The following STK32B variants were observed in gnomAD, a reference collection of about 807,000 sequenced individuals.
STK32B encodes serine/threonine-protein kinase 32B.
A neutral mutation model predicts 52.6 loss-of-function variants in STK32B; 43 were observed. The observed-to-expected ratio is 0.82, with a 90% CI of 0.64 to 1.05. The LOEUF is 1.05. Among genes scored for constraint, STK32B ranks in the 50% least tolerant of loss-of-function variants. The pLI, the probability that STK32B is intolerant of heterozygous loss-of-function variation, is 0.00. For missense variants in STK32B, 621 were observed against 534.6 expected, an observed-to-expected ratio of 1.16 and a Z score of -1.59; for synonymous variants, 238 against 204.3, an observed-to-expected ratio of 1.17 and a Z score of -1.41.
chr4:5,236,347 A>C (rs1188267230), intron 3 of STK32B, among the ~76,000 whole-genome samples: 1 of 151,964 alleles, frequency 6.6e-6, no homozygotes, highest in East Asian at 1.9e-4. Context: ...TTTTTTTTAA[A>C]CTTACTTAAA....
At chr4:5,273,990 A>G (rs915636338) in intron 3 of STK32B, among the ~76,000 whole-genome samples, 1 of 150,362 alleles carries the variant, frequency 6.7e-6, no homozygotes, top group Non-Finnish European at 1.5e-5. Flanking sequence ...TTAAAGTATA[A>G]TAAAAAAAAA....
chr4:5,491,239 T>A (rs1431815957), intron 11 of STK32B, among the ~76,000 whole-genome samples: 1 of 152,174 alleles, frequency 6.6e-6, no homozygotes, highest in African/African-American at 2.4e-5. Flanking sequence ...GCACCTGTTG[T>A]TTCCTGACTT....
intron 4 of STK32B, among the ~76,000 whole-genome samples, chr4:5,357,046 T>TAC (rs1386974266): frequency 7.2e-6 from 1 of 137,954 alleles, no homozygotes; most frequent in African/African-American, 2.9e-5. Flanking sequence ...CACACATATA[T>TAC]ACACACACAC....
intron 3 of STK32B, among the ~76,000 whole-genome samples, chr4:5,274,869 G>A (rs1026246156): frequency 4.6e-5 from 7 of 152,274 alleles, no homozygotes; most frequent in Admixed American, 3.9e-4. Context: ...CAGGGTGTCC[G>A]CTATGCTCCT....
At chr4:5,431,948 A>G (rs759406140) in intron 6 of STK32B, among the ~76,000 whole-genome samples, 18 of 152,186 alleles carry the variant, frequency 1.2e-4, no homozygotes, top group Non-Finnish European at 2.4e-4. Flanking sequence ...CTTTAATGCA[A>G]TGAATTATGA....
At chr4:5,196,501 T>C (rs559843002) in intron 3 of STK32B, among the ~76,000 whole-genome samples, 8 of 151,830 alleles carry the variant, frequency 5.3e-5, no homozygotes, top group African/African-American at 1.9e-4. Flanking sequence ...GGTGCGTAGA[T>C]CACGAGGTCA....
At chr4:5,498,831 G>C (rs1720495653) in intron 11 of STK32B, 114 bp from the exon 12 acceptor site, 1 of 1,386,398 alleles carries the variant, frequency 7.2e-7, no homozygotes, top group Non-Finnish European at 9.5e-7. Context: ...TTCCCAGGTA[G>C]GGGAAGGTTT....
chr4:5,349,671 G>T (rs1410899914), intron 4 of STK32B, among the ~76,000 whole-genome samples: 1 of 151,990 alleles, frequency 6.6e-6, no homozygotes, highest in Admixed American at 6.6e-5. Context: ...CCTAAAAAAA[G>T]AATTCAAAAT....
At chr4:5,265,777 G>A (rs1359673142) in intron 3 of STK32B, among the ~76,000 whole-genome samples, 1 of 151,950 alleles carries the variant, frequency 6.6e-6, no homozygotes, top group African/African-American at 2.4e-5. Context: ...TCTAGTTGTT[G>A]TAAACTTTAC....
intron 3 of STK32B, among the ~76,000 whole-genome samples, chr4:5,318,393 T>G (rs986932529): frequency 6.6e-6 from 1 of 151,736 alleles, no homozygotes; most frequent in Admixed American, 6.6e-5. Context: ...AAAAGAACTG[T>G]AGGCAAGGAG....
Position 5,254,712 on chromosome 4 carries a change from A to G in STK32B, c.261-76508A>G, listed in dbSNP as rs549804590. On this transcript the variant is annotated intron_variant, in intron 3 of 11. Coordinates refer to ENST00000282908, the MANE Select transcript of STK32B (RefSeq NM_018401.3). The stretch of plus-strand genomic sequence containing the variant: ...TGAGTTCCAGCTTAATTTAACTGTA[A>G]CTAGAACATAAACTGTACAGTTATA... Among the ~76,000 whole-genome samples, 6 of 152,258 alleles carry G rather than the reference A, an allele frequency of 3.9e-5. No individual in the cohort carries two copies. The South Asian group carries it at 1.0e-3, about 26-fold the overall frequency.
At chr4:5,373,915 A>G (rs572859475) in intron 4 of STK32B, among the ~76,000 whole-genome samples, 3 of 152,348 alleles carry the variant, frequency 2.0e-5, no homozygotes, top group Admixed American at 2.0e-4. Context: ...GTGTTCCCCC[A>G]AAAGTAATGT....
chr4:5,254,374 TG>T (rs201040269), intron 3 of STK32B, among the ~76,000 whole-genome samples: 1,861 of 152,196 alleles, frequency 0.012, 39 homozygotes, highest in African/African-American at 0.043. Flanking sequence ...ATTGTTTATT[TG>T]TTTTTATTTC....
chr4:5,358,022 C>A (rs1246321863), intron 4 of STK32B, among the ~76,000 whole-genome samples: 1 of 152,156 alleles, frequency 6.6e-6, no homozygotes, highest in Non-Finnish European at 1.5e-5. Flanking sequence ...ATTTAAGGCA[C>A]AACTTAGTCA....
At chr4:5,466,478 A>G (rs1178679181) in intron 9 of STK32B, among the ~76,000 whole-genome samples, 1 of 152,226 alleles carries the variant, frequency 6.6e-6, no homozygotes, top group Admixed American at 6.5e-5. Context: ...GGATGTTAAC[A>G]GGAGTGCGGT....
chr4:5,175,768 C>T (rs1432576224), intron 3 of STK32B, among the ~76,000 whole-genome samples: 2 of 152,170 alleles, frequency 1.3e-5, no homozygotes, highest in Non-Finnish European at 2.9e-5. Flanking sequence ...CTTGAGGAGG[C>T]CGTCTGCCTG....
chr4:5,313,854 T>C (rs1438375440), intron 3 of STK32B, among the ~76,000 whole-genome samples: 3 of 152,146 alleles, frequency 2.0e-5, no homozygotes, highest in African/African-American at 7.2e-5. Flanking sequence ...CCATAGATAA[T>C]AAACCTAGAT....
At chr4:5,313,410 C>T (rs919699976) in intron 3 of STK32B, among the ~76,000 whole-genome samples, 8 of 151,958 alleles carry the variant, frequency 5.3e-5, no homozygotes, top group East Asian at 1.9e-4. Context: ...AGGAACATCA[C>T]GGTGACAGAC....
At chr4:5,163,583 A>AGTGTGTGTGT (rs1560189497) in intron 2 of STK32B, among the ~76,000 whole-genome samples, 1 of 99,254 alleles carries the variant, frequency 1.0e-5, no homozygotes, top group Non-Finnish European at 2.4e-5. Flanking sequence ...TGTGTGTGTA[A>AGTGTGTGTGT]GAGAGAGAGA....
Sources: allele counts gnomAD v4.1 joint callset (sites outside exome capture counted in the v4.1 genomes callset), GRCh38; gene constraint gnomAD v4.1.1; transcripts MANE v1.5; gene names NCBI Gene and HGNC (gene_info 2026-07-23, HGNC 2026-07-21).